The following ELMOD3 variants were observed in gnomAD, a reference collection of about 807,000 sequenced individuals.
The protein encoded by ELMOD3 is ELMO domain containing 3.
In ELMOD3, 36 loss-of-function variants were observed where a neutral mutation model predicts 47.4. That is an observed-to-expected ratio of 0.76 (90% CI 0.58 to 1.00). The LOEUF (loss-of-function observed/expected upper bound fraction) is 1.00, where lower values mean the gene tolerates loss of function less well. Among genes scored for constraint, ELMOD3 ranks in the 50% least tolerant of loss-of-function variants. The pLI is 0.00. For missense variants in ELMOD3, 404 were observed against 463.8 expected (o/e 0.87, Z 1.18); for synonymous variants, 149 against 183.5 (o/e 0.81, Z 1.52).
At chr2:85,368,490 G>C in intron 6 of ELMOD3, 196 bp from the exon 7 acceptor site, 1 of 571,868 alleles carries the variant, frequency 1.7e-6, no homozygotes, top group Non-Finnish European at 3.1e-6. Flanking sequence ...AAATGGAGCA[G>C]TTCAAAAATC....
chr2:85,390,053 G>A, intron 12 of ELMOD3, 85 bp from the exon 13 acceptor site: 5 of 1,397,888 alleles, frequency 3.6e-6, no homozygotes, highest in Non-Finnish European at 5.1e-6. Context: ...GGCTCCCCTG[G>A]GGAAATGGGG....
chr2:85,371,223 G>T lies in ELMOD3; in HGVS notation c.484+14G>T. 1 of 1,614,176 alleles carries T rather than the reference G, an allele frequency of 6.2e-7. No individual in the cohort carries two copies. Among genetic ancestry groups the T allele is most frequent in the Non-Finnish European group, 8.5e-7 (1 of 1,180,022 alleles). On this transcript the variant is annotated intron_variant, in intron 9 of 13. Transcript: ENST00000409013. ...CCATTGCTCAGTGTGAGTGCAATGC[G>T]AGCCCACAGGGCAGTTGCTGCATCT... is the stretch of plus-strand genomic sequence containing the variant.
At chr2:85,368,298 C>T (rs1036880790) in intron 6 of ELMOD3, 4 of 197,390 alleles carry the variant, frequency 2.0e-5, no homozygotes, top group African/African-American at 7.0e-5. Flanking sequence ...TGTGGTAGTG[C>T]GTGCCTGTAG....
chr2:85,378,622 A>G (rs770594149), intron 11 of ELMOD3, among the ~76,000 whole-genome samples: 16 of 152,194 alleles, frequency 1.1e-4, no homozygotes, highest in Non-Finnish European at 1.9e-4. Context: ...GCAATCAGAT[A>G]TGCATTTATC....
chr2:85,362,406 A>G (rs1684048260), intron 5 of ELMOD3, 146 bp downstream of exon 5: 1 of 632,056 alleles, frequency 1.6e-6, no homozygotes, highest in Non-Finnish European at 2.9e-6. Context: ...GAGTGAGGGG[A>G]GGGTGTATGG....
intron 10 of ELMOD3, 73 bp downstream of exon 10, chr2:85,371,635 T>G (rs1276287912): frequency 4.0e-5 from 64 of 1,590,850 alleles, no homozygotes; most frequent in Non-Finnish European, 4.6e-5. Flanking sequence ...GCCAGGTCGT[T>G]CTCTTCCAGT....
At chr2:85,362,483 G>T (rs974005896) in intron 5 of ELMOD3, among the ~76,000 whole-genome samples, 2 of 147,070 alleles carry the variant, frequency 1.4e-5, no homozygotes, top group African/African-American at 4.9e-5. Context: ...GCTATAAAAC[G>T]CAGAGAGAAT....
intron 9 of ELMOD3, 34 bp from the exon 10 acceptor site, chr2:85,371,406 A>G (rs761251824): frequency 1.9e-6 from 3 of 1,613,348 alleles, no homozygotes; most frequent in Non-Finnish European, 2.5e-6. Flanking sequence ...ATGAGGGGCA[A>G]TCTGGCAGAG....
chr2:85,390,567 T>C lies in ELMOD3; in HGVS notation c.944-193T>C, dbSNP rs1026002305. ...TTGCAATTGTGCAGACAAGGTAGAG[T>C]GTGTGGTCCCTGTGGCTGTAGCTGG... On this transcript the variant is annotated intron_variant, in intron 13 of 13. Coordinates refer to ENST00000409013, the MANE Select transcript of ELMOD3 (RefSeq NM_001135022.2). 15 of 1,552,592 alleles carry C rather than the reference T, an allele frequency of 9.7e-6. No homozygotes were observed. In the African/African-American group the frequency reaches 1.8e-4, roughly 18 times the overall value.
chr2:85,365,313 G>A (rs2104537496), intron 6 of ELMOD3, among the ~76,000 whole-genome samples: 1 of 150,902 alleles, frequency 6.6e-6, no homozygotes. Context: ...TCGCACCACT[G>A]CACTCCAGCC....
At chr2:85,381,366 T>C (rs1443200454) in intron 11 of ELMOD3, among the ~76,000 whole-genome samples, 1 of 152,226 alleles carries the variant, frequency 6.6e-6, no homozygotes. Flanking sequence ...AAAATCTCCA[T>C]TCCTTGAGAG....
In ELMOD3 at chr2:85,389,761, T is replaced by G; in HGVS notation, c.749T>G (p.Phe250Cys). 2 of 1,614,120 alleles carry G rather than the reference T, an allele frequency of 1.2e-6. No homozygotes were observed. The highest frequency in any genetic ancestry group is 1.7e-6 in the Non-Finnish European group (2 of 1,179,996). ...GCCCCTCCATTCCAGCAATTCCCTT[T>G]CTGTTTGATGTCCGTGAACATCACC... ...LSRHHIQQFP[F>C]CLMSVNITHI... The change falls in exon 12 of 14, where the codon TTC (phenylalanine) becomes TGC (cysteine). Residue 250 changes from phenylalanine (F) to cysteine (C), a missense_variant. By Grantham distance (205) the Phe-to-Cys change is radical (BLOSUM62 -2). Transcript: ENST00000409013.
intron 4 of ELMOD3, 134 bp downstream of exon 4, chr2:85,357,386 G>A (rs1007724065): frequency 1.2e-5 from 6 of 517,414 alleles, no homozygotes; most frequent in Non-Finnish European, 2.0e-5. Context: ...CTGTAAGAAG[G>A]AGCTTCTATT....
At chr2:85,372,791 G>A (rs1196136690) in intron 10 of ELMOD3, 2 of 149,104 alleles carry the variant, frequency 1.3e-5, no homozygotes, top group Non-Finnish European at 3.0e-5. Context: ...TCGGGAGGCT[G>A]AGGCAGGACA....
At chr2:85,362,051 A>C in intron 4 of ELMOD3, 135 bp from the exon 5 acceptor site, 2 of 628,284 alleles carry the variant, frequency 3.2e-6, no homozygotes, top group Non-Finnish European at 5.7e-6. Flanking sequence ...CCTGTGACCC[A>C]AGTTTCCCTA....
At chr2:85,390,300 T>C in intron 13 of ELMOD3, 35 bp downstream of exon 13, 1 of 1,614,170 alleles carries the variant, frequency 6.2e-7, no homozygotes, top group Non-Finnish European at 8.5e-7. Flanking sequence ...CTAGGCTGAA[T>C]GCACAGTGTC....
At chr2:85,377,885 GT>G (rs1214418869) in intron 11 of ELMOD3, among the ~76,000 whole-genome samples, 1 of 152,170 alleles carries the variant, frequency 6.6e-6, no homozygotes, top group Non-Finnish European at 1.5e-5. Context: ...CTTTACTGCT[GT>G]GTCCGGTTTC....
rs190645370 is a variant in ELMOD3, at chr2:85,378,414, C to G, written c.738+940C>G. ...ATATGTGCCCAAGATAGTCAGAGCACAGCTTGGTTTTATACATTTTAGGGA... is the reference window on the plus strand; with the variant it reads ...ATATGTGCCCAAGATAGTCAGAGCAGAGCTTGGTTTTATACATTTTAGGGA... On this transcript the variant is annotated intron_variant, in intron 11 of 13. Transcript: ENST00000409013. Among the ~76,000 whole-genome samples, 224 of 152,240 alleles carry G rather than the reference C, an allele frequency of 1.5e-3. 1 individual carries two copies. Among genetic ancestry groups the G allele is most frequent in the African/African-American group, 5.1e-3 (211 of 41,542 alleles).
rs1482981794 is a variant in ELMOD3 at position 85,390,207 on chromosome 2, C to T, written c.885C>T (p.Leu295=). ...NSFYAATFLH[L]AHVWRTQRKT... ...TCTATGCCGCCACATTCCTCCACCT[C>T]GCACATGTCTGGAGGACACAGCGGA... Residue 295 remains leucine (L), a synonymous_variant, in exon 13 of 14, where the codon CTC becomes CTT. Transcript: ENST00000409013. 1.9e-6 allele frequency: 3 copies of T among 1,614,092 alleles called. No homozygotes were observed. The highest frequency in any genetic ancestry group is 2.2e-5 in the East Asian group (1 of 44,892).
Sources: allele counts gnomAD v4.1 joint callset (sites outside exome capture counted in the v4.1 genomes callset), GRCh38; gene constraint gnomAD v4.1.1; transcripts MANE v1.5; gene names NCBI Gene and HGNC (gene_info 2026-07-23, HGNC 2026-07-21).